HSD17B4: variants seen among roughly 807,000 people sequenced by gnomAD.
HSD17B4 encodes the protein hydroxysteroid 17-beta dehydrogenase 4, also known as peroxisomal multifunctional enzyme type 2.
Under a neutral mutation model 101.0 loss-of-function variants are expected in HSD17B4, and 70 were observed. The ratio of observed to expected loss-of-function variants is 0.69; its 90% CI spans 0.57 to 0.85. The LOEUF is 0.85. HSD17B4 is among the 40% of genes least tolerant of loss of function. The probability of loss-of-function intolerance (pLI) is 0.00; values close to 1 mark genes in which losing one functional copy is unlikely to be tolerated. For missense variants in HSD17B4, 984 were observed against 892.4 expected (o/e 1.10, Z -1.31); for synonymous variants, 347 against 297.1 (o/e 1.17, Z -1.73).
intron 17 of HSD17B4, among the ~76,000 whole-genome samples, chr5:119,524,918 T>C (rs187447839): frequency 6.6e-6 from 1 of 152,268 alleles, no homozygotes; most frequent in African/African-American, 2.4e-5. Context: ...TGGGAGTAGA[T>C]TGACTGACTT....
At chr5:119,464,590 A>G (rs1428536595) in intron 2 of HSD17B4, 2 of 151,806 alleles carry the variant, frequency 1.3e-5, no homozygotes, top group African/African-American at 4.8e-5. Flanking sequence ...GAGTAGCTAT[A>G]GCTTTTTTTT....
At chr5:119,513,703 A>C (rs1752367729) in intron 16 of HSD17B4, among the ~76,000 whole-genome samples, 1 of 152,216 alleles carries the variant, frequency 6.6e-6, no homozygotes, top group African/African-American at 2.4e-5. Flanking sequence ...AGTAATCTAA[A>C]CTAGATACCA....
intron 2 of HSD17B4, among the ~76,000 whole-genome samples, chr5:119,469,172 ACTGGATTTC>A (rs1756107060): frequency 1.3e-5 from 2 of 150,448 alleles, no homozygotes; most frequent in African/African-American, 4.9e-5. Flanking sequence ...CTTGTATCTC[ACTGGATTTC>A]CTTAAGATCA....
chr5:119,469,065 CTG>C, intron 2 of HSD17B4, among the ~76,000 whole-genome samples: 1 of 150,512 alleles, frequency 6.6e-6, no homozygotes, highest in East Asian at 2.0e-4. Flanking sequence ...TTCTTAAGCT[CTG>C]TTTTTTTTAA....
chr5:119,525,249 C>G lies in HSD17B4; in HGVS notation c.1537C>G (p.Pro513Ala). Residue 513 changes from proline to alanine, a missense_variant, in exon 18 of 24, where the codon CCC (proline) becomes GCC (alanine). By Grantham distance (27) the Pro-to-Ala change is conservative. Coordinates refer to ENST00000510025, the MANE Select transcript of HSD17B4 (RefSeq NM_000414.4). ...ALYRLSGDWN[P>A]LHIDPNFASL... ...GTACCGCCTCAGTGGAGACTGGAATCCCTTACACATTGATCCTAACTTTGC... is the reference window on the plus strand; with the variant it reads ...GTACCGCCTCAGTGGAGACTGGAATGCCTTACACATTGATCCTAACTTTGC... 1.9e-6 allele frequency: 3 copies of G among 1,612,264 alleles called. No individual in the cohort carries two copies. Among genetic ancestry groups the G allele is most frequent in the Non-Finnish European group, 2.5e-6 (3 of 1,178,618 alleles).
At chr5:119,461,976 T>C (rs1257965337) in intron 2 of HSD17B4, among the ~76,000 whole-genome samples, 1 of 152,164 alleles carries the variant, frequency 6.6e-6, no homozygotes, top group Non-Finnish European at 1.5e-5. Context: ...AAAAATCTTC[T>C]GTAGTTAATA....
chr5:119,490,654 C>T (rs1367440185), intron 9 of HSD17B4, among the ~76,000 whole-genome samples: 1 of 152,044 alleles, frequency 6.6e-6, no homozygotes. Flanking sequence ...CTGCAACCTC[C>T]GCCTCCCGGA....
chr5:119,516,775 A>T (rs1752648583), intron 17 of HSD17B4, among the ~76,000 whole-genome samples: 1 of 152,250 alleles, frequency 6.6e-6, no homozygotes. Flanking sequence ...GAAGGGAAGG[A>T]ACACTTGGAT....
In HSD17B4 at chr5:119,452,565, A is replaced by G. The variant is rs748991883; in HGVS notation, c.-11A>G. 1.9e-6 allele frequency: 3 copies of G among 1,613,920 alleles called. No individual in the cohort carries two copies. Among genetic ancestry groups the G allele is most frequent in the Non-Finnish European group, 2.5e-6 (3 of 1,179,968 alleles). On this transcript the variant is annotated 5_prime_UTR_variant, in exon 1 of 24. Coordinates refer to ENST00000510025, the MANE Select transcript of HSD17B4 (RefSeq NM_000414.4). ...TGCTTGTTCGTGTGTGTGTCGTTGC[A>G]GGCCTTATTCATGGGCTCACCGCTG...
chr5:119,503,335 G>A (rs1356630790), intron 14 of HSD17B4, among the ~76,000 whole-genome samples: 1 of 152,122 alleles, frequency 6.6e-6, no homozygotes, highest in Non-Finnish European at 1.5e-5. Flanking sequence ...GAACAGTGAT[G>A]TGAATAGGAA....
At chr5:119,498,867 G>A (rs1005189830) in intron 12 of HSD17B4, among the ~76,000 whole-genome samples, 1 of 152,150 alleles carries the variant, frequency 6.6e-6, no homozygotes, top group Non-Finnish European at 1.5e-5. Context: ...GCGAGAGAGC[G>A]AGACTCCATC....
chr5:119,453,748 T>A (rs1255469233), intron 1 of HSD17B4, among the ~76,000 whole-genome samples: 2 of 152,246 alleles, frequency 1.3e-5, no homozygotes, highest in Non-Finnish European at 2.9e-5. Context: ...TTTATACCCA[T>A]AGCTGTCTGG....
At chr5:119,489,351 C>T in intron 9 of HSD17B4, 68 bp downstream of exon 9, 1 of 925,112 alleles carries the variant, frequency 1.1e-6, no homozygotes, top group East Asian at 2.4e-5. Flanking sequence ...AAATCTGTAC[C>T]AGTGGACATC....
intron 16 of HSD17B4, among the ~76,000 whole-genome samples, chr5:119,511,109 G>A (rs1752129730): frequency 6.6e-6 from 1 of 152,196 alleles, no homozygotes; most frequent in Non-Finnish European, 1.5e-5. Flanking sequence ...TTCTTGTAAA[G>A]CAAGTGTATC....
chr5:119,464,879 C>T (rs755429477), intron 2 of HSD17B4, among the ~76,000 whole-genome samples: 1 of 152,192 alleles, frequency 6.6e-6, no homozygotes, highest in Non-Finnish European at 1.5e-5. Flanking sequence ...TAGGCGTGAG[C>T]CACCGCGCCC....
intron 8 of HSD17B4, 27 bp downstream of exon 8, chr5:119,479,048 GT>G: frequency 6.4e-7 from 1 of 1,553,542 alleles, no homozygotes; most frequent in Non-Finnish European, 8.9e-7. Context: ...ATATTTTTCA[GT>G]GCTGTTACTT....
chr5:119,497,866 A>AT (rs959008961), intron 12 of HSD17B4, among the ~76,000 whole-genome samples: 4 of 150,956 alleles, frequency 2.6e-5, no homozygotes, highest in African/African-American at 2.4e-5. Context: ...GACAAGTATC[A>AT]TTTTTTTTTC....
chr5:119,487,803 G>C (rs1207836305), intron 8 of HSD17B4, among the ~76,000 whole-genome samples: 1 of 152,122 alleles, frequency 6.6e-6, no homozygotes, highest in African/African-American at 2.4e-5. Context: ...TGGGAAATTA[G>C]AGGAATGTTA....
chr5:119,506,045 C>T (rs1406445704), intron 14 of HSD17B4, among the ~76,000 whole-genome samples: 4 of 152,024 alleles, frequency 2.6e-5, no homozygotes, highest in Non-Finnish European at 4.4e-5. Context: ...ACTTTAAGTT[C>T]TGGGGTACAT....
Sources: allele counts gnomAD v4.1 joint callset (sites outside exome capture counted in the v4.1 genomes callset), GRCh38; gene constraint gnomAD v4.1.1; transcripts MANE v1.5; gene names NCBI Gene and HGNC (gene_info 2026-07-23, HGNC 2026-07-21).